Variants in NRG2 observed in about 807,000 individuals in gnomAD.
NRG2 encodes the protein neuregulin 2.
In NRG2, 27 loss-of-function variants were observed where a neutral mutation model predicts 73.9. The observed-to-expected ratio is 0.37, with a 90% confidence interval of 0.27 to 0.50. The LOEUF (loss-of-function observed/expected upper bound fraction) is 0.50. Among genes scored for constraint, NRG2 ranks in the 20% least tolerant of loss-of-function variants. The probability of loss-of-function intolerance (pLI) is 0.96; values close to 1 mark genes in which losing one functional copy is unlikely to be tolerated. For synonymous variants in NRG2, 532 were observed against 541.0 expected (o/e 0.98, Z 0.23); for missense variants, 1,126 against 1,210.1 (o/e 0.93, Z 1.03).
rs573466555 is a variant in NRG2 at position 140,038,760 on chromosome 5, C to G, written c.700+3610G>C. On this transcript the variant is annotated intron_variant, in intron 1 of 9. Coordinates refer to ENST00000361474, the MANE Select transcript of NRG2 (RefSeq NM_004883.3). ...TTCCTACCCCAAGAATGCAGTCTGC[C>G]GAGGAAAGCAGCCACTACAAGAAAT... 6.6e-5 allele frequency among the ~76,000 whole-genome samples: 10 copies of G among 152,180 alleles called. 1 individual carries two copies. In the South Asian group the frequency reaches 2.1e-3, roughly 32 times the overall value.
At chr5:139,982,833 G>A (rs1213123782) in intron 1 of NRG2, among the ~76,000 whole-genome samples, 2 of 152,204 alleles carry the variant, frequency 1.3e-5, no homozygotes, top group African/African-American at 4.8e-5. Flanking sequence ...GAGTAGTCTT[G>A]CCCAGGGGCA....
At position 140,003,757 on chromosome 5, in the gene NRG2, C is replaced by A. The variant is rs1758680446; in HGVS notation, c.700+38613G>T. Among the ~76,000 whole-genome samples the A allele has an allele frequency of 2.0e-5, 3 of 152,088 alleles. No homozygotes were observed. In the South Asian group the frequency reaches 6.2e-4, roughly 32 times the overall value. ...AGTTTGTCACTAGAGTAAAAAATTCCCTGGATGCCATCTGTAGTCTTCTCC... is the reference window on the plus strand; with the variant it reads ...AGTTTGTCACTAGAGTAAAAAATTCACTGGATGCCATCTGTAGTCTTCTCC... On this transcript the variant is annotated intron_variant, in intron 1 of 9. Coordinates refer to ENST00000361474, the MANE Select transcript of NRG2 (RefSeq NM_004883.3).
chr5:139,895,644 T>C (rs1023195598), intron 1 of NRG2, among the ~76,000 whole-genome samples: 3 of 152,198 alleles, frequency 2.0e-5, no homozygotes, highest in African/African-American at 7.2e-5. Flanking sequence ...TAGTTTAGCC[T>C]CTCTGGGCCT....
chr5:139,976,483 C>T (rs1756393309), intron 1 of NRG2, among the ~76,000 whole-genome samples: 1 of 152,140 alleles, frequency 6.6e-6, no homozygotes, highest in Non-Finnish European at 1.5e-5. Context: ...GCAAAAGAAG[C>T]CAGTGAGGCC....
intron 4 of NRG2, among the ~76,000 whole-genome samples, chr5:139,867,804 G>C (rs1164794331): frequency 8.5e-6 from 1 of 117,398 alleles, no homozygotes; most frequent in African/African-American, 3.5e-5. Context: ...GTGTATGAGT[G>C]TGTGTGTGTG....
At chr5:139,874,092 C>CA (rs1367106502) in intron 3 of NRG2, among the ~76,000 whole-genome samples, 1 of 152,240 alleles carries the variant, frequency 6.6e-6, no homozygotes, top group Admixed American at 6.5e-5. Flanking sequence ...CAAGATACTG[C>CA]AGCCCAACTC....
At chr5:140,012,266 C>T (rs1759424050) in intron 1 of NRG2, among the ~76,000 whole-genome samples, 1 of 152,330 alleles carries the variant, frequency 6.6e-6, no homozygotes, top group Middle Eastern at 3.4e-3. Flanking sequence ...TTCACTTGTG[C>T]TCCCCCTTAC....
intron 2 of NRG2, among the ~76,000 whole-genome samples, chr5:139,882,783 C>T (rs963689302): frequency 6.6e-6 from 1 of 152,072 alleles, no homozygotes; most frequent in Non-Finnish European, 1.5e-5. Flanking sequence ...AGGCGCTTCC[C>T]TTATACAGCA....
chr5:139,859,985 GA>G, intron 5 of NRG2: 2 of 1,415,032 alleles, frequency 1.4e-6, no homozygotes, highest in Non-Finnish European at 2.0e-6. Flanking sequence ...GGGACAGGGG[GA>G]GAGAGAGAGA....
At chr5:139,896,444 G>A (rs1174226482) in intron 1 of NRG2, among the ~76,000 whole-genome samples, 4 of 152,110 alleles carry the variant, frequency 2.6e-5, no homozygotes, top group Non-Finnish European at 5.9e-5. Context: ...CTGCAAGCAT[G>A]AAAGTCCCAG....
At chr5:140,036,858 T>C (rs749666475) in intron 1 of NRG2, among the ~76,000 whole-genome samples, 30 of 152,204 alleles carry the variant, frequency 2.0e-4, no homozygotes, top group Non-Finnish European at 3.8e-4. Flanking sequence ...GATACTGATA[T>C]CACCATTCCT....
intron 1 of NRG2, among the ~76,000 whole-genome samples, chr5:139,927,461 A>C (rs1481307470): frequency 6.6e-6 from 1 of 152,156 alleles, no homozygotes; most frequent in East Asian, 1.9e-4. Context: ...CCCTGTTCAG[A>C]AACTGTGGGA....
intron 3 of NRG2, among the ~76,000 whole-genome samples, chr5:139,873,997 G>T (rs930275128): frequency 2.2e-4 from 34 of 152,334 alleles, no homozygotes; most frequent in Admixed American, 9.1e-4. Flanking sequence ...CATTTGGGGA[G>T]CCAGTCACAG....
At chr5:139,923,699 C>T (rs1751845405) in intron 1 of NRG2, among the ~76,000 whole-genome samples, 1 of 152,160 alleles carries the variant, frequency 6.6e-6, no homozygotes, top group Non-Finnish European at 1.5e-5. Flanking sequence ...TTAAGATCAA[C>T]CTCCAAGGTC....
At chr5:139,922,636 A>C (rs1751758371) in intron 1 of NRG2, among the ~76,000 whole-genome samples, 2 of 152,254 alleles carry the variant, frequency 1.3e-5, no homozygotes, top group Non-Finnish European at 2.9e-5. Flanking sequence ...ATATCCACAG[A>C]AAAACCTGCA....
chr5:140,014,400 A>C (rs1262340585), intron 1 of NRG2, among the ~76,000 whole-genome samples: 3 of 151,868 alleles, frequency 2.0e-5, no homozygotes, highest in Admixed American at 6.6e-5. Context: ...CCATGCCCAG[A>C]TAATTTTTGT....
At chr5:139,987,100 G>C (rs142646845) in intron 1 of NRG2, among the ~76,000 whole-genome samples, 1 of 151,948 alleles carries the variant, frequency 6.6e-6, no homozygotes, top group Non-Finnish European at 1.5e-5. Context: ...GGCTAGGCAC[G>C]GTGGCTCACG....
intron 1 of NRG2, among the ~76,000 whole-genome samples, chr5:139,938,883 G>A (rs202122261): frequency 0.02 from 936 of 47,920 alleles, 15 homozygotes; most frequent in South Asian, 0.033. Context: ...AGAGAGAGAA[G>A]GAAAGAAAGA....
In NRG2 at chr5:139,865,097, T is replaced by A. The variant is rs772205182; in HGVS notation, c.1189+452A>T. Reference sequence around the variant, plus strand: ...GTCAGTCACCAGGGAAGAGAAGAAATAGAAGAAAGAGACATACTGGAGAAG... The same window carrying A: ...GTCAGTCACCAGGGAAGAGAAGAAAAAGAAGAAAGAGACATACTGGAGAAG... On this transcript the variant is annotated intron_variant, in intron 5 of 9. Transcript: ENST00000361474. The surrounding 1 kb of genome is among the most constrained non-coding windows in gnomAD (Gnocchi z 5.2). 18 of 1,607,574 alleles carry A rather than the reference T, an allele frequency of 1.1e-5. No homozygotes were observed.
Sources: allele counts gnomAD v4.1 joint callset (sites outside exome capture counted in the v4.1 genomes callset), GRCh38; gene constraint gnomAD v4.1.1; non-coding constraint Gnocchi (gnomAD v3.1); transcripts MANE v1.5; gene names NCBI Gene and HGNC (gene_info 2026-07-23, HGNC 2026-07-21).